The following GLI2 variants were observed in gnomAD, a reference collection of about 807,000 sequenced individuals.
GLI2 encodes the protein transcription activator GLI2.
A neutral mutation model predicts 78.9 loss-of-function variants in GLI2; 22 were observed. That is an observed-to-expected ratio of 0.28 (90% CI 0.20 to 0.40). The LOEUF (loss-of-function observed/expected upper bound fraction) is 0.40, where lower values mean the gene tolerates loss of function less well. Among genes scored for constraint, GLI2 ranks in the 10% least tolerant of loss-of-function variants. The pLI is 1.00. For missense variants in GLI2, 2,097 were observed against 2,213.2 expected (o/e 0.95, Z 1.05); for synonymous variants, 974 against 963.7 (o/e 1.01, Z -0.20).
chr2:120,867,433 G>A (rs1408698481), intron 2 of GLI2: 1 of 152,258 alleles, frequency 6.6e-6, no homozygotes, highest in Non-Finnish European at 1.5e-5. Context: ...GGTTATAAAT[G>A]ATTCATGCAG....
At chr2:120,928,977 G>T (rs1338941073) in intron 3 of GLI2, among the ~76,000 whole-genome samples, 8 of 152,086 alleles carry the variant, frequency 5.3e-5, no homozygotes, top group African/African-American at 1.9e-4. Flanking sequence ...CCCAATCCTG[G>T]ATCCCACGTG....
intron 1 of GLI2, among the ~76,000 whole-genome samples, chr2:120,738,862 G>A (rs1472741646): frequency 6.6e-6 from 1 of 152,212 alleles, no homozygotes; most frequent in Non-Finnish European, 1.5e-5. Context: ...CCTTGAAGGG[G>A]ACTCTTGACT....
chr2:120,903,620 C>G (rs1303021835), intron 2 of GLI2, among the ~76,000 whole-genome samples: 1 of 152,174 alleles, frequency 6.6e-6, no homozygotes, highest in African/African-American at 2.4e-5. Flanking sequence ...AGACTTAGCT[C>G]GCTGGTCCTT....
intron 8 of GLI2, chr2:120,972,620 T>TG: frequency 1.9e-6 from 1 of 518,562 alleles, no homozygotes; most frequent in Non-Finnish European, 3.8e-6. Context: ...TTTGGAGAGG[T>TG]GGCGCTATGG....
chr2:120,950,496 G>A lies in GLI2; in HGVS notation c.255-747G>A, dbSNP rs183298271. Among the ~76,000 whole-genome samples, 54 of 152,278 alleles carry A rather than the reference G, an allele frequency of 3.5e-4. No individual in the cohort carries two copies. The East Asian group carries it at 7.2e-3, about 20-fold the overall frequency. The stretch of plus-strand genomic sequence containing the variant: ...ATGGATTCCATGACTCTTGGTGGGC[G>A]GACTTGGGGACATGGGGGTGGGCCC... On this transcript the variant is annotated intron_variant, in intron 3 of 13. Coordinates refer to ENST00000361492, the MANE Select transcript of GLI2 (RefSeq NM_001374353.1).
Position 120,769,626 on chromosome 2 carries a change from GC to G in GLI2, c.-30-27664del, listed in dbSNP as rs770693027. ...AGAGTCTTGCCCCTGCAGTGCTCAT[GC>G]ATGTGCGTGCATGCATGTACACATG... On this transcript the variant is annotated intron_variant, in intron 1 of 13. Transcript: ENST00000361492. Among the ~76,000 whole-genome samples the G allele has an allele frequency of 2.6e-5, 4 of 152,244 alleles. No homozygotes were observed. The South Asian group carries it at 8.3e-4, about 32-fold the overall frequency.
intron 1 of GLI2, among the ~76,000 whole-genome samples, chr2:120,774,248 G>A (rs1683614196): frequency 6.6e-6 from 1 of 152,128 alleles, no homozygotes; most frequent in Non-Finnish European, 1.5e-5. Flanking sequence ...GGGTGCATTT[G>A]AGGTAAAGAC....
Position 120,850,457 on chromosome 2 carries a change from CT to C in GLI2, c.148+52990del, listed in dbSNP as rs1398165012. On this transcript the variant is annotated intron_variant, in intron 2 of 13. Coordinates refer to ENST00000361492, the MANE Select transcript of GLI2 (RefSeq NM_001374353.1). ...TAGCAATGAAACTATCAGACAAGCT[CT>C]CAGGCAGATGGGAGGGGACAATAAG... 2.6e-5 allele frequency among the ~76,000 whole-genome samples: 4 copies of C among 152,300 alleles called. No individual in the cohort carries two copies. In the East Asian group the frequency reaches 7.7e-4, roughly 29 times the overall value.
chr2:120,797,405 G>A lies in GLI2; in HGVS notation c.85G>A (p.Gly29Ser). The A allele has an allele frequency of 1.9e-6, 3 of 1,614,070 alleles. No homozygotes were observed. Among genetic ancestry groups the A allele is most frequent in the Non-Finnish European group, 2.5e-6 (3 of 1,179,960 alleles). Reference sequence around the variant, plus strand: ...GGAGGCCGCTGGCTTCCCCGACCCGGGTAAAAAGGCCTCTCCTTTGGTGGT... The same window carrying A: ...GGAGGCCGCTGGCTTCCCCGACCCGAGTAAAAAGGCCTCTCCTTTGGTGGT... ...ILEAAGFPDPGKKASPLVVAA... is the reference protein window; with the variant it reads ...ILEAAGFPDPSKKASPLVVAA... Residue 29 changes from glycine to serine, a missense_variant, in exon 2 of 14, where the codon GGT becomes AGT. Gly to Ser is a moderately conservative substitution (Grantham distance 56, BLOSUM62 0). Around this residue, in one of 5 missense-constraint regions of GLI2, gnomAD observed 578 missense variants for 612.0 expected, o/e 0.94. Coordinates refer to ENST00000361492, the MANE Select transcript of GLI2 (RefSeq NM_001374353.1).
At chr2:120,972,801 G>T (rs1018953007) in intron 8 of GLI2, 1 of 457,446 alleles carries the variant, frequency 2.2e-6, no homozygotes, top group Non-Finnish European at 4.4e-6. Context: ...CCACAGCCCA[G>T]TGCAGGCCTA....
At chr2:120,846,280 G>A (rs1234378503) in intron 2 of GLI2, among the ~76,000 whole-genome samples, 1 of 152,212 alleles carries the variant, frequency 6.6e-6, no homozygotes, top group Non-Finnish European at 1.5e-5. Flanking sequence ...GCATCTGTCT[G>A]GTGAGAGATA....
intron 2 of GLI2, among the ~76,000 whole-genome samples, chr2:120,920,274 C>T (rs570818986): frequency 4.5e-4 from 69 of 152,392 alleles, no homozygotes; most frequent in African/African-American, 1.5e-3. Context: ...AGCCCAGCCA[C>T]GGGGCAGTGC....
chr2:120,869,311 A>G lies in GLI2; in HGVS notation c.149-58050A>G, dbSNP rs534810158. 1.4e-4 allele frequency among the ~76,000 whole-genome samples: 22 copies of G among 152,334 alleles called. 2 individuals carry two copies. In the South Asian group the frequency reaches 4.6e-3, roughly 32 times the overall value. On this transcript the variant is annotated intron_variant, in intron 2 of 13. Transcript: ENST00000361492. ...CCTTTGCATTTGAACACAAAGTGCC[A>G]CTTGGTATAATGGGCACAGCTCAGT...
intron 1 of GLI2, among the ~76,000 whole-genome samples, chr2:120,785,221 G>C (rs912732181): frequency 6.6e-6 from 1 of 152,178 alleles, no homozygotes; most frequent in Non-Finnish European, 1.5e-5. Context: ...AGGAAGGCCA[G>C]GGCCTGGGAG....
chr2:120,874,840 C>A (rs80315972), intron 2 of GLI2, among the ~76,000 whole-genome samples: 4,221 of 152,258 alleles, frequency 0.028, 207 homozygotes, highest in African/African-American at 0.091. Context: ...GGAGGGTACT[C>A]GGTGCCTGGG....
chr2:120,762,873 C>T (rs1387329637), intron 1 of GLI2, among the ~76,000 whole-genome samples: 1 of 152,202 alleles, frequency 6.6e-6, no homozygotes, highest in Admixed American at 6.5e-5. Context: ...GAAGTGGAGT[C>T]CTGAGCTGAG....
chr2:120,897,958 G>C (rs1202111827), intron 2 of GLI2, among the ~76,000 whole-genome samples: 1 of 152,146 alleles, frequency 6.6e-6, no homozygotes, highest in Non-Finnish European at 1.5e-5. Context: ...GTCAGGTTCA[G>C]CAAGTCTTAT....
In GLI2 at chr2:120,833,375, A is replaced by G. The variant is rs1463982590; in HGVS notation, c.148+35907A>G. The stretch of plus-strand genomic sequence containing the variant: ...TCCCTGAGCTAGGTGAGGGTCTGCA[A>G]TGGGTCCAGAACATGGGATCTATAC... On this transcript the variant is annotated intron_variant, in intron 2 of 13. Coordinates refer to ENST00000361492, the MANE Select transcript of GLI2 (RefSeq NM_001374353.1). 4.6e-5 allele frequency among the ~76,000 whole-genome samples: 7 copies of G among 152,194 alleles called. No homozygotes were observed. The East Asian group carries it at 9.7e-4, about 21-fold the overall frequency.
chr2:120,931,965 G>A (rs1182696645), intron 3 of GLI2, among the ~76,000 whole-genome samples: 3 of 152,054 alleles, frequency 2.0e-5, no homozygotes, highest in African/African-American at 7.2e-5. Context: ...GTTGGTTCCC[G>A]CCAGACTGAG....
Sources: allele counts gnomAD v4.1 joint callset (sites outside exome capture counted in the v4.1 genomes callset), GRCh38; gene constraint gnomAD v4.1.1; regional missense constraint gnomAD v4.1.1; transcripts MANE v1.5; gene names NCBI Gene and HGNC (gene_info 2026-07-23, HGNC 2026-07-21).